The following COL6A2 variants were observed in gnomAD, a reference collection of about 807,000 sequenced individuals.
COL6A2 encodes collagen alpha-2(VI) chain.
Under a neutral mutation model 124.9 loss-of-function variants are expected in COL6A2, and 90 were observed. The ratio of observed to expected loss-of-function variants is 0.72; its 90% confidence interval spans 0.61 to 0.86. The LOEUF (loss-of-function observed/expected upper bound fraction) is 0.86, where lower values mean the gene tolerates loss of function less well. Ranked by LOEUF, COL6A2 falls within the 40% of genes least tolerant of loss-of-function variation. COL6A2 has a pLI of 0.00. For missense variants in COL6A2, 1,607 were observed against 1,502.5 expected, an observed-to-expected ratio of 1.07 and a Z score of -1.15; for synonymous variants, 793 against 618.2, an observed-to-expected ratio of 1.28 and a Z score of -4.19.
Position 46,116,745 on chromosome 21 carries a change from A to G in COL6A2, c.955-25A>G, listed in dbSNP as rs368423271. ...AGGGCAGAAGGACCGGGGCTAATGG[A>G]GTTCCCTCTTCCTTCTCTCTTCAGG... is the stretch of plus-strand genomic sequence containing the variant. On this transcript the variant is annotated intron_variant, in intron 9 of 27. Coordinates refer to ENST00000300527, the MANE Select transcript of COL6A2 (RefSeq NM_001849.4). The surrounding 1 kb of genome is among the most constrained non-coding windows in gnomAD (Gnocchi z 4.6). The G allele has an allele frequency of 1.9e-6, 3 of 1,612,910 alleles. No individual in the cohort carries two copies. Among genetic ancestry groups the G allele is most frequent in the Non-Finnish European group, 2.5e-6 (3 of 1,179,998 alleles).
In COL6A2 at chr21:46,110,901, A is replaced by G. The variant is rs2078389105; in HGVS notation, c.-27-549A>G. On this transcript the variant is annotated intron_variant, in intron 1 of 27. Coordinates refer to ENST00000300527, the MANE Select transcript of COL6A2 (RefSeq NM_001849.4). ...CCCCAGGGTCCTGGCACCCAACAGA[A>G]AGGAAAGCCAGGCTAATGACGGCTG... 2.0e-5 allele frequency among the ~76,000 whole-genome samples: 3 copies of G among 152,196 alleles called. No individual in the cohort carries two copies. The South Asian group carries it at 6.2e-4, about 31-fold the overall frequency.
Position 46,132,525 on chromosome 21 carries a change from C to T in COL6A2, c.3033C>T (p.Phe1011=), listed in dbSNP as rs552124568. The stretch of plus-strand genomic sequence containing the variant: ...ACAGCCTGGCGCAACCCGGCTTCTT[C>T]GACCGCTTCATCCGCTGGATCTGCT... ...DYDSLAQPGF[F]DRFIRWIC is the part of the protein sequence containing the mutation. The change falls in exon 28 of 28, where the codon TTC becomes TTT. Residue 1011 remains phenylalanine (F), a synonymous_variant. Transcript: ENST00000300527. 62 of 1,605,728 alleles carry T rather than the reference C, an allele frequency of 3.9e-5. 1 individual carries two copies. The highest frequency in any genetic ancestry group is 3.3e-4 in the South Asian group (30 of 90,920).
At chr21:46,129,449 G>T (rs184395229) in intron 27 of COL6A2, 1 of 1,602,848 alleles carries the variant, frequency 6.2e-7, no homozygotes, top group African/African-American at 1.3e-5. Flanking sequence ...TGGTGCACAG[G>T]GACATCGTGG....
chr21:46,131,361 G>A (rs557851523), intron 27 of COL6A2, among the ~76,000 whole-genome samples: 61 of 152,358 alleles, frequency 4.0e-4, no homozygotes, highest in Non-Finnish European at 7.6e-4. Context: ...TGGTAACAGA[G>A]TCATAGGGCA....
In COL6A2 at chr21:46,116,160, G is replaced by A; in HGVS notation, c.900+107G>A. Reference sequence around the variant, plus strand: ...CTCAGCCTCTACGACCCTCCCCCCAGTTACCAAGGAACAGAAGCACCTCGA... The same window carrying A: ...CTCAGCCTCTACGACCCTCCCCCCAATTACCAAGGAACAGAAGCACCTCGA... On this transcript the variant is annotated intron_variant, in intron 7 of 27. Coordinates refer to ENST00000300527, the MANE Select transcript of COL6A2 (RefSeq NM_001849.4). This position sits in a 1 kb window ranked among gnomAD's most constrained non-coding sequence, Gnocchi z 4.6. 2 of 1,274,446 alleles carry A rather than the reference G, an allele frequency of 1.6e-6. No individual in the cohort carries two copies. Among genetic ancestry groups the A allele is most frequent in the Non-Finnish European group, 2.2e-6 (2 of 896,590 alleles). The allele number at this position is 1,274,446 out of a possible 1,614,324, so 78.9% of individuals were successfully genotyped here.
chr21:46,116,896 T>G lies in COL6A2; in HGVS notation c.999+82T>G, dbSNP rs2078480177. 2.1e-6 allele frequency: 3 copies of G among 1,419,004 alleles called. No individual in the cohort carries two copies. The highest frequency in any genetic ancestry group is 1.9e-4 in the Middle Eastern group (1 of 5,330). 87.9% of individuals were successfully genotyped at this position (1,419,004 alleles called of 1,614,324 possible). A position where few individuals can be genotyped will look rare whatever the true frequency, so the allele number is the denominator to read the frequency against. ...TGCAGGGCCCCCAGATCCAGCCTGA[T>G]CTGTCAGCTTACACATGTGTACACA... is the stretch of plus-strand genomic sequence containing the variant. On this transcript the variant is annotated intron_variant, in intron 10 of 27. Coordinates refer to ENST00000300527, the MANE Select transcript of COL6A2 (RefSeq NM_001849.4). This position sits in a 1 kb window ranked among gnomAD's most constrained non-coding sequence, Gnocchi z 4.6.
Position 46,116,446 on chromosome 21 carries a change from C to G in COL6A2, c.927+43C>G, listed in dbSNP as rs773126842. ...ACAGACCTCAGACCTGCGCCAGCCT[C>G]GGCCCAGACCCACCTCTTGGCGTCC... On this transcript the variant is annotated intron_variant, in intron 8 of 27. Transcript: ENST00000300527. The surrounding 1 kb of genome is among the most constrained non-coding windows in gnomAD (Gnocchi z 4.6). 3 of 1,611,388 alleles carry G rather than the reference C, an allele frequency of 1.9e-6. No individual in the cohort carries two copies. In the East Asian group the frequency reaches 6.7e-5, roughly 36 times the overall value.
At chr21:46,120,779 G>A (rs1029085206) in intron 16 of COL6A2, among the ~76,000 whole-genome samples, 2 of 151,792 alleles carry the variant, frequency 1.3e-5, no homozygotes, top group African/African-American at 4.8e-5. Flanking sequence ...CAAGGTAAGG[G>A]ACCAAGGCAA....
At chr21:46,124,174 G>C (rs915365077) in intron 21 of COL6A2, among the ~76,000 whole-genome samples, 3 of 150,980 alleles carry the variant, frequency 2.0e-5, no homozygotes, top group African/African-American at 7.3e-5. Flanking sequence ...TGGGTGGACA[G>C]AGGATGGGTG....
chr21:46,121,689 C>T (rs979442305), intron 18 of COL6A2, 71 bp downstream of exon 18: 37 of 1,491,850 alleles, frequency 2.5e-5, no homozygotes, highest in Non-Finnish European at 3.3e-5. Flanking sequence ...GACAGGGGGC[C>T]GGCCTGGGGG....
chr21:46,111,125 T>G (rs982545996), intron 1 of COL6A2, among the ~76,000 whole-genome samples: 5 of 152,068 alleles, frequency 3.3e-5, no homozygotes, highest in Non-Finnish European at 7.4e-5. Flanking sequence ...TGGTGCTCCA[T>G]TCCCTTCCAT....
chr21:46,120,469 G>C (rs372777510), intron 15 of COL6A2, 46 bp from the exon 16 acceptor site: 2 of 1,480,698 alleles, frequency 1.4e-6, no homozygotes, highest in African/African-American at 2.8e-5. Flanking sequence ...GACCCAGGCC[G>C]GAGGCCTCAG....
At chr21:46,109,906 G>A (rs1311199282) in intron 1 of COL6A2, among the ~76,000 whole-genome samples, 3 of 152,222 alleles carry the variant, frequency 2.0e-5, no homozygotes, top group Non-Finnish European at 4.4e-5. Flanking sequence ...AGGAGTGGGG[G>A]CTGGCTCCTG....
At chr21:46,107,950 C>T (rs939520114) in intron 1 of COL6A2, among the ~76,000 whole-genome samples, 10 of 152,164 alleles carry the variant, frequency 6.6e-5, no homozygotes, top group Admixed American at 1.3e-4. Context: ...CATGGCCACT[C>T]ATATTTGGCT....
intron 10 of COL6A2, 120 bp from the exon 11 acceptor site, chr21:46,117,280 T>C: frequency 4.0e-6 from 4 of 1,011,076 alleles, no homozygotes; most frequent in Non-Finnish European, 6.0e-6. Flanking sequence ...GGCACCCGTG[T>C]GCCAGGAGGA....
At chr21:46,127,743 C>T (rs1481923129) in intron 27 of COL6A2, among the ~76,000 whole-genome samples, 1 of 152,100 alleles carries the variant, frequency 6.6e-6, no homozygotes, top group Non-Finnish European at 1.5e-5. Context: ...CCTTCCTCTC[C>T]ACTCTGGGTC....
Position 46,121,205 on chromosome 21 carries a change from G to A in COL6A2, c.1458+82G>A, listed in dbSNP as rs374062787. 3.1e-4 allele frequency: 421 copies of A among 1,374,442 alleles called. 2 individuals carry two copies. The East Asian group carries it at 8.2e-3, about 27-fold the overall frequency. 85.1% of individuals were successfully genotyped at this position (1,374,442 alleles called of 1,614,324 possible). On this transcript the variant is annotated intron_variant, in intron 17 of 27. Transcript: ENST00000300527. ...TCCATGTGGGGACAGCCTGGAGCTA[G>A]CCACTGTCCCCATAGCAAACCCAGG...
chr21:46,099,909 T>C (rs1252655087), intron 1 of COL6A2, among the ~76,000 whole-genome samples: 1 of 148,278 alleles, frequency 6.7e-6, no homozygotes, highest in Non-Finnish European at 1.5e-5. Flanking sequence ...TTTTTTTTTT[T>C]TTTCTCATTT....
intron 27 of COL6A2, among the ~76,000 whole-genome samples, chr21:46,127,313 G>A (rs1272890998): frequency 6.6e-6 from 1 of 152,150 alleles, no homozygotes; most frequent in Non-Finnish European, 1.5e-5. Flanking sequence ...CGCTTCCTCA[G>A]CACGCGGGTC....
Sources: allele counts gnomAD v4.1 joint callset (sites outside exome capture counted in the v4.1 genomes callset), GRCh38; gene constraint gnomAD v4.1.1; non-coding constraint Gnocchi (gnomAD v3.1); transcripts MANE v1.5; gene names NCBI Gene and HGNC (gene_info 2026-07-23, HGNC 2026-07-21).